EYS: variants seen among roughly 807,000 people sequenced by gnomAD.
EYS encodes the protein EGF-like photoreceptor maintenance factor.
In EYS, 250 loss-of-function variants were observed where a neutral mutation model predicts 282.1. The observed-to-expected ratio is 0.89, with a 90% CI of 0.80 to 0.98. The LOEUF is 0.98. EYS is among the 50% of genes least tolerant of loss of function. EYS has a pLI of 0.00. For synonymous variants in EYS, 1,355 were observed against 1,282.9 expected (o/e 1.06, Z -1.20); for missense variants, 4,016 against 3,709.0 (o/e 1.08, Z -2.15).
intron 2 of EYS, among the ~76,000 whole-genome samples, chr6:65,613,690 G>T (rs902134391): frequency 6.6e-6 from 1 of 151,802 alleles, no homozygotes; most frequent in African/African-American, 2.4e-5. Context: ...TGTAAGCCAT[G>T]TGTACAACAG....
At chr6:65,344,988 C>G (rs1271048628) in intron 9 of EYS, among the ~76,000 whole-genome samples, 1 of 151,512 alleles carries the variant, frequency 6.6e-6, no homozygotes. Flanking sequence ...TTATAGTAAA[C>G]AAATCTAAAC....
chr6:65,351,739 G>C (rs1334925512), intron 9 of EYS, among the ~76,000 whole-genome samples: 1 of 151,766 alleles, frequency 6.6e-6, no homozygotes, highest in Non-Finnish European at 1.5e-5. Flanking sequence ...TAACAGTAGA[G>C]AGCATTTCTC....
intron 12 of EYS, among the ~76,000 whole-genome samples, chr6:65,287,461 A>G (rs1380541038): frequency 1.4e-4 from 21 of 151,694 alleles, no homozygotes; most frequent in Non-Finnish European, 1.6e-4. Context: ...AATTAGAACC[A>G]ACATCAAATA....
At chr6:64,443,843 T>C (rs959162993) in intron 26 of EYS, among the ~76,000 whole-genome samples, 1 of 152,206 alleles carries the variant, frequency 6.6e-6, no homozygotes, top group Non-Finnish European at 1.5e-5. Context: ...CTCTTTCTTT[T>C]GTAAACTGCC....
intron 28 of EYS, among the ~76,000 whole-genome samples, chr6:64,396,137 T>C (rs1773368616): frequency 6.6e-6 from 1 of 152,040 alleles, no homozygotes; most frequent in Non-Finnish European, 1.5e-5. Flanking sequence ...CATTATGTTT[T>C]TGAGATATAT....
At chr6:65,374,952 C>T (rs1765304777) in intron 8 of EYS, among the ~76,000 whole-genome samples, 2 of 152,148 alleles carry the variant, frequency 1.3e-5, no homozygotes, top group South Asian at 4.1e-4. Context: ...GCTGTGGTCG[C>T]AGCTTCAGTG....
chr6:63,824,392 A>T (rs536337973), intron 36 of EYS, among the ~76,000 whole-genome samples: 2 of 152,362 alleles, frequency 1.3e-5, no homozygotes, highest in East Asian at 3.9e-4. Flanking sequence ...AAAAAGGAAG[A>T]TCATTCAATA....
In EYS at chr6:65,120,460, C is replaced by CAA. The variant is rs67505285; in HGVS notation, c.2024-62735_2024-62734dup. 1.7e-3 allele frequency among the ~76,000 whole-genome samples: 115 copies of CAA among 68,230 alleles called. 3 individuals are homozygous for CAA. The highest frequency in any genetic ancestry group is 0.012 in the East Asian group (22 of 1,778). The allele number at this position is 68,230 out of a possible 152,430, so 44.8% of individuals were successfully genotyped here. A position where few individuals can be genotyped will look rare whatever the true frequency, so the allele number is the denominator to read the frequency against. ...ACATTACTCTTTTTCTTTAAATAAGCAAAAAAAAAAAAAAAAAAAAAAAAT... is the reference window on the plus strand; with the variant it reads ...ACATTACTCTTTTTCTTTAAATAAGCAAAAAAAAAAAAAAAAAAAAAAAAAAT... On this transcript the variant is annotated intron_variant, in intron 12 of 42. Transcript: ENST00000503581.
At chr6:65,187,285 A>T (rs1368980821) in intron 12 of EYS, among the ~76,000 whole-genome samples, 1 of 151,734 alleles carries the variant, frequency 6.6e-6, no homozygotes, top group Non-Finnish European at 1.5e-5. Context: ...CATCAGAAAT[A>T]GATTACTCAG....
At chr6:64,872,040 A>T (rs895741975) in intron 19 of EYS, among the ~76,000 whole-genome samples, 6 of 152,044 alleles carry the variant, frequency 3.9e-5, no homozygotes, top group Admixed American at 2.0e-4. Context: ...TTAAAGATGG[A>T]GAATCTTGTT....
At chr6:64,037,732 G>C (rs1024667459) in intron 33 of EYS, among the ~76,000 whole-genome samples, 3 of 152,250 alleles carry the variant, frequency 2.0e-5, no homozygotes, top group Non-Finnish European at 4.4e-5. Flanking sequence ...GGATTTACTA[G>C]CTATTCCATC....
intron 29 of EYS, among the ~76,000 whole-genome samples, chr6:64,384,119 T>A (rs1052937721): frequency 6.6e-6 from 1 of 152,170 alleles, no homozygotes; most frequent in Non-Finnish European, 1.5e-5. Flanking sequence ...CTAAAGGATT[T>A]TGATGGCTAA....
intron 1 of EYS, among the ~76,000 whole-genome samples, chr6:65,704,603 A>C (rs1769807908): frequency 6.6e-6 from 1 of 152,214 alleles, no homozygotes; most frequent in Non-Finnish European, 1.5e-5. Context: ...TTTATAACTT[A>C]ATATTCGGTT....
At chr6:64,085,297 C>T (rs114097774) in intron 31 of EYS, among the ~76,000 whole-genome samples, 1,975 of 151,336 alleles carry the variant, frequency 0.013, 43 homozygotes, top group African/African-American at 0.046. Context: ...TCTCTCTCCC[C>T]CTCCTTCTCC....
chr6:65,075,305 A>G (rs1262879582), intron 12 of EYS, among the ~76,000 whole-genome samples: 1 of 152,054 alleles, frequency 6.6e-6, no homozygotes, highest in Non-Finnish European at 1.5e-5. Context: ...ATTTACACAT[A>G]TTAATGGTTT....
intron 28 of EYS, among the ~76,000 whole-genome samples, chr6:64,395,551 A>G (rs1041426230): frequency 4.6e-5 from 7 of 150,604 alleles, no homozygotes; most frequent in African/African-American, 1.7e-4. Context: ...CAAACACCGC[A>G]TATTCTCACT....
chr6:64,335,437 G>T (rs1436490636), intron 29 of EYS, among the ~76,000 whole-genome samples: 1 of 152,010 alleles, frequency 6.6e-6, no homozygotes, highest in African/African-American at 2.4e-5. Context: ...TTGGTTGCAA[G>T]ACATATTTCT....
chr6:64,617,117 T>C (rs1767298788), intron 24 of EYS, among the ~76,000 whole-genome samples: 1 of 152,124 alleles, frequency 6.6e-6, no homozygotes, highest in African/African-American at 2.4e-5. Flanking sequence ...ATTCCTCCAC[T>C]GGCATCCTCC....
intron 14 of EYS, among the ~76,000 whole-genome samples, chr6:64,993,671 A>T (rs1771152275): frequency 6.6e-6 from 1 of 151,510 alleles, no homozygotes; most frequent in African/African-American, 2.4e-5. Flanking sequence ...GCACATGTAT[A>T]CATATGTAAC....
Sources: gnomAD v4.1 joint callset for allele counts (sites outside exome capture counted in the v4.1 genomes callset) on GRCh38, gnomAD v4.1.1 for gene constraint, MANE v1.5 for transcripts, NCBI Gene and HGNC (gene_info 2026-07-23, HGNC 2026-07-21) for gene names.